Variants in LOC400499 observed in about 807,000 individuals in gnomAD.
At chr16:11,383,743 G>C in the LOC400499 span, 4 of 1,232,452 alleles carry the variant, frequency 3.2e-6, no homozygotes, top group Non-Finnish European at 4.0e-6. Context: ...GGTGCCACAG[G>C]GGACCTGCAC....
At chr16:11,433,826 C>T in the LOC400499 span, among the ~76,000 whole-genome samples, 8 of 152,188 alleles carry the variant, frequency 5.3e-5, no homozygotes, top group Non-Finnish European at 1.2e-4. Flanking sequence ...CCAGAGAGGG[C>T]GGGGAAGCCC....
At chr16:11,399,854 A>G in the LOC400499 span, 1 of 398,474 alleles carries the variant, frequency 2.5e-6, no homozygotes, top group Non-Finnish European at 4.4e-6. Flanking sequence ...GGAAAGGGGG[A>G]CATGTAGGGG....
chr16:11,398,121 T>C, the LOC400499 span, among the ~76,000 whole-genome samples: 2 of 152,028 alleles, frequency 1.3e-5, no homozygotes, highest in African/African-American at 4.8e-5. Flanking sequence ...AGTCTCACCA[T>C]CACTCTACGT....
chr16:11,488,146 C>A, the LOC400499 span, among the ~76,000 whole-genome samples: 1 of 151,540 alleles, frequency 6.6e-6, no homozygotes, highest in Admixed American at 6.6e-5. Context: ...TGTTTCGTTA[C>A]CCGCCTCTTG....
chr16:11,389,879 C>T, the LOC400499 span, among the ~76,000 whole-genome samples: 8 of 152,098 alleles, frequency 5.3e-5, no homozygotes, highest in Admixed American at 2.0e-4. Context: ...TCAGCCACTG[C>T]GCTCTCTGCA....
the LOC400499 span, among the ~76,000 whole-genome samples, chr16:11,465,097 C>A: frequency 6.6e-6 from 1 of 152,226 alleles, no homozygotes; most frequent in Admixed American, 6.5e-5. Flanking sequence ...GAGGCAGAAT[C>A]AGGAGATCCA....
the LOC400499 span, among the ~76,000 whole-genome samples, chr16:11,512,968 C>T: frequency 8.5e-5 from 13 of 152,172 alleles, no homozygotes; most frequent in African/African-American, 2.7e-4. Flanking sequence ...GGAGCCTGCC[C>T]TCCAAGGTAA....
At chr16:11,433,873 T>C in the LOC400499 span, among the ~76,000 whole-genome samples, 70 of 152,370 alleles carry the variant, frequency 4.6e-4, no homozygotes, top group African/African-American at 1.7e-3. Flanking sequence ...TATGCGTCTC[T>C]TCCATCTGGC....
the LOC400499 span, among the ~76,000 whole-genome samples, chr16:11,378,081 G>T: frequency 6.6e-6 from 1 of 151,886 alleles, no homozygotes; most frequent in East Asian, 1.9e-4. Flanking sequence ...ATAACTTAAG[G>T]TAGAAGGTTA....
chr16:11,493,151 A>T, the LOC400499 span, among the ~76,000 whole-genome samples: 95 of 152,286 alleles, frequency 6.2e-4, no homozygotes, highest in Non-Finnish European at 1.2e-3. Context: ...AGGGACTGTA[A>T]CTTTGACTCT....
the LOC400499 span, among the ~76,000 whole-genome samples, chr16:11,444,376 T>A: frequency 6.6e-6 from 1 of 152,126 alleles, no homozygotes; most frequent in African/African-American, 2.4e-5. Flanking sequence ...CCCTCCAGCC[T>A]GGGTGACAGA....
the LOC400499 span, among the ~76,000 whole-genome samples, chr16:11,433,749 C>T: frequency 6.6e-6 from 1 of 152,148 alleles, no homozygotes; most frequent in Non-Finnish European, 1.5e-5. Context: ...ATGAAGCCAC[C>T]ATAGAAATCC....
chr16:11,475,909 C>T, the LOC400499 span, among the ~76,000 whole-genome samples: 1 of 152,084 alleles, frequency 6.6e-6, no homozygotes, highest in African/African-American at 2.4e-5. Context: ...CAGAGAGTGA[C>T]AAGTGCTGTG....
chr16:11,520,133 T>C, the LOC400499 span, among the ~76,000 whole-genome samples: 1 of 152,168 alleles, frequency 6.6e-6, no homozygotes, highest in African/African-American at 2.4e-5. Flanking sequence ...AGCTTCTGTT[T>C]AGGATGATGA....
the LOC400499 span, among the ~76,000 whole-genome samples, chr16:11,524,797 C>T: frequency 1.2e-4 from 18 of 151,272 alleles, no homozygotes; most frequent in Admixed American, 2.6e-4. Context: ...TTTCAAACCT[C>T]GTTTCCCCTT....
chr16:11,372,063 T>G, the LOC400499 span: 65 of 152,336 alleles, frequency 4.3e-4, no homozygotes, highest in African/African-American at 1.5e-3. Context: ...AAGGAAAAAG[T>G]TACATTCCCA....
chr16:11,469,946 G>C, the LOC400499 span, among the ~76,000 whole-genome samples: 2 of 150,452 alleles, frequency 1.3e-5, no homozygotes, highest in African/African-American at 2.5e-5. Flanking sequence ...CTGTTGCCCA[G>C]GCTGGAGTGT....
chr16:11,447,504 T>C, the LOC400499 span, among the ~76,000 whole-genome samples: 1 of 152,174 alleles, frequency 6.6e-6, no homozygotes, highest in Non-Finnish European at 1.5e-5. Flanking sequence ...CCAACGATGC[T>C]GCTGTTCCTT....
At chr16:11,441,881 C>G in the LOC400499 span, among the ~76,000 whole-genome samples, 1 of 152,206 alleles carries the variant, frequency 6.6e-6, no homozygotes, top group African/African-American at 2.4e-5. Flanking sequence ...CCATTTTGGG[C>G]TTCTGAATTC....
Sources: gnomAD v4.1 joint callset for allele counts (sites outside exome capture counted in the v4.1 genomes callset) on GRCh38, gnomAD v4.1.1 for gene constraint, MANE v1.5 for transcripts.